SLC38A10: variants seen among roughly 807,000 people sequenced by gnomAD.
SLC38A10 encodes the protein Sodium-coupled neutral amino acid transporter 10.
A neutral mutation model predicts 81.0 loss-of-function variants in SLC38A10; 53 were observed. The ratio of observed to expected loss-of-function variants is 0.65; its 90% CI spans 0.53 to 0.82. SLC38A10 has a LOEUF of 0.82. Among genes scored for constraint, SLC38A10 ranks in the 40% least tolerant of loss-of-function variants. SLC38A10 has a pLI of 0.00. For missense variants in SLC38A10, 1,471 were observed against 1,545.0 expected, an observed-to-expected ratio of 0.95 and a Z score of 0.80; for synonymous variants, 665 against 655.3, an observed-to-expected ratio of 1.01 and a Z score of -0.23.
intron 11 of SLC38A10, among the ~76,000 whole-genome samples, chr17:81,259,551 C>G (rs1567931077): frequency 6.6e-6 from 1 of 152,182 alleles, no homozygotes; most frequent in Non-Finnish European, 1.5e-5. Flanking sequence ...CACTCCCTCT[C>G]TAGGCCTGGG....
Position 81,292,647 on chromosome 17 carries a change from G to A in SLC38A10, c.99+2176C>T, listed in dbSNP as rs1273680536. 2.6e-5 allele frequency among the ~76,000 whole-genome samples: 4 copies of A among 152,302 alleles called. No homozygotes were observed. In the East Asian group the frequency reaches 5.8e-4, roughly 22 times the overall value. ...GGCAGCCCTCAGGACTCAGAAGGAC[G>A]TCTCTAGTCCTTCACTTCCTGACAG... On this transcript the variant is annotated intron_variant, in intron 1 of 15. Coordinates refer to ENST00000374759, the MANE Select transcript of SLC38A10 (RefSeq NM_001037984.3).
intron 8 of SLC38A10, among the ~76,000 whole-genome samples, 183 bp downstream of exon 8, chr17:81,275,786 C>T (rs982151793): frequency 1.3e-5 from 2 of 151,774 alleles, no homozygotes; most frequent in Non-Finnish European, 2.9e-5. Flanking sequence ...AGACTCTGGC[C>T]ATTATCAGCT....
In SLC38A10 at chr17:81,283,375, T is replaced by A; in HGVS notation, c.357+34A>T. 6.3e-7 allele frequency: 1 copy of A among 1,595,916 alleles called. No homozygotes were observed. ...GAGGGCCTCAGAGCAGCCGTCAGCA[T>A]CTGAACAACCCAGAACCCTGAACAC... On this transcript the variant is annotated intron_variant, in intron 4 of 15. Coordinates refer to ENST00000374759, the MANE Select transcript of SLC38A10 (RefSeq NM_001037984.3). This position sits in a 1 kb window ranked among gnomAD's most constrained non-coding sequence, Gnocchi z 4.7.
Position 81,275,731 on chromosome 17 carries a change from C to CA in SLC38A10, c.912+237dup, listed in dbSNP as rs747992770. On this transcript the variant is annotated intron_variant, in intron 8 of 15. Coordinates refer to ENST00000374759, the MANE Select transcript of SLC38A10 (RefSeq NM_001037984.3). ...TGGGCGACAGAGCGAAACTCCGTCT[C>CA]AAAAAAAAAGAGAACTGTGCAGTGA... Among the ~76,000 whole-genome samples, 18 of 108,222 alleles carry CA rather than the reference C, an allele frequency of 1.7e-4. 1 individual carries two copies. The East Asian group carries it at 2.1e-3, about 13-fold the overall frequency. The allele number at this position is 108,222 out of a possible 152,430, so 71.0% of individuals were successfully genotyped here.
chr17:81,246,989 T>C lies in SLC38A10; in HGVS notation c.2138A>G (p.Lys713Arg), dbSNP rs772378431. 19 of 1,605,980 alleles carry C rather than the reference T, an allele frequency of 1.2e-5. No individual in the cohort carries two copies. Among genetic ancestry groups the C allele is most frequent in the Non-Finnish European group, 1.6e-5 (19 of 1,179,544 alleles). ...QVIKEQQVQQ[K>R]RLLDQQEKLL... ...CTTCTCCTGCTGGTCCAGCAAGCGC[T>C]TTTGCTGCACCTGCTGTTCTTTGAT... Residue 713 changes from lysine (K) to arginine (R), a missense_variant, in exon 15 of 16, where the codon AAG becomes AGG. Physicochemically the swap from Lys to Arg is conservative, Grantham distance 26 (BLOSUM62 2). Coordinates refer to ENST00000374759, the MANE Select transcript of SLC38A10 (RefSeq NM_001037984.3).
intron 11 of SLC38A10, among the ~76,000 whole-genome samples, chr17:81,255,048 G>C (rs2062959198): frequency 1.3e-5 from 2 of 152,408 alleles, no homozygotes; most frequent in South Asian, 4.1e-4. Context: ...GGGCTCCAGG[G>C]GGAGCTCTGT....
chr17:81,251,310 AAAGC>A, intron 14 of SLC38A10, 179 bp downstream of exon 14: 5 of 1,612,966 alleles, frequency 3.1e-6, no homozygotes, highest in Non-Finnish European at 4.2e-6. Flanking sequence ...AGGTTCCCAG[AAAGC>A]AAGCTGCTGA....
At chr17:81,267,341 A>C (rs1038944950) in intron 10 of SLC38A10, among the ~76,000 whole-genome samples, 2 of 152,220 alleles carry the variant, frequency 1.3e-5, no homozygotes, top group African/African-American at 2.4e-5. Flanking sequence ...TAAAGTACTA[A>C]AAAAATGAGG....
In SLC38A10 at chr17:81,276,998, A is replaced by C. The variant is rs1203295389; in HGVS notation, c.729+33T>G. The C allele has an allele frequency of 6.3e-7, 1 of 1,599,776 alleles. No homozygotes were observed. Among genetic ancestry groups the C allele is most frequent in the South Asian group, 1.1e-5 (1 of 90,732 alleles). Reference sequence around the variant, plus strand: ...CCACGGCACATCATGCTGGCATGACACAGGGGCGGAGAGGGCGTGGCAAGG... The same window carrying C: ...CCACGGCACATCATGCTGGCATGACCCAGGGGCGGAGAGGGCGTGGCAAGG... On this transcript the variant is annotated intron_variant, in intron 7 of 15. Coordinates refer to ENST00000374759, the MANE Select transcript of SLC38A10 (RefSeq NM_001037984.3). This position sits in a 1 kb window ranked among gnomAD's most constrained non-coding sequence, Gnocchi z 4.7.
At chr17:81,247,838 C>T (rs2062867516) in intron 14 of SLC38A10, among the ~76,000 whole-genome samples, 1 of 150,778 alleles carries the variant, frequency 6.6e-6, no homozygotes, top group South Asian at 2.1e-4. Context: ...AAGACCCTGT[C>T]TCAAAAAAGA....
chr17:81,292,626 G>A (rs2063320139), intron 1 of SLC38A10, among the ~76,000 whole-genome samples: 1 of 152,212 alleles, frequency 6.6e-6, no homozygotes, highest in African/African-American at 2.4e-5. Context: ...CCTCTGGGCA[G>A]CCCTCAGGAC....
chr17:81,265,707 G>T lies in SLC38A10; in HGVS notation c.1131+5211C>A, dbSNP rs1209264864. 6.6e-6 allele frequency among the ~76,000 whole-genome samples: 1 copy of T among 152,262 alleles called. No individual in the cohort carries two copies. Among genetic ancestry groups the T allele is most frequent in the African/African-American group, 2.4e-5 (1 of 41,470 alleles). ...CCGTGGGCGCAGCCGGAGCCCCTGG[G>T]ACAGTGGCCACGCCGAGATGTGGCG... is the stretch of plus-strand genomic sequence containing the variant. On this transcript the variant is annotated intron_variant, in intron 10 of 15. Coordinates refer to ENST00000374759, the MANE Select transcript of SLC38A10 (RefSeq NM_001037984.3). The surrounding 1 kb of genome is among the most constrained non-coding windows in gnomAD (Gnocchi z 4.2).
At chr17:81,273,060 C>T (rs1032092427) in intron 8 of SLC38A10, among the ~76,000 whole-genome samples, 1 of 152,170 alleles carries the variant, frequency 6.6e-6, no homozygotes, top group South Asian at 2.1e-4. Context: ...CAGAACCCCC[C>T]CAAACACACG....
chr17:81,245,344 A>C lies in SLC38A10; in HGVS notation c.*212T>G, dbSNP rs1240845720. The stretch of plus-strand genomic sequence containing the variant: ...TCTAGAGGTCAGAGGACCTCAGACT[A>C]AGAGCTGCAACAGAACGACAGCAAG... On this transcript the variant is annotated 3_prime_UTR_variant, in exon 16 of 16. Transcript: ENST00000374759. 8 of 595,822 alleles carry C rather than the reference A, an allele frequency of 1.3e-5. No individual in the cohort carries two copies. In the East Asian group the frequency reaches 2.6e-4, roughly 19 times the overall value. 36.9% of individuals were successfully genotyped at this position (595,822 alleles called of 1,614,324 possible).
At chr17:81,282,544 C>T (rs1458235700) in intron 4 of SLC38A10, among the ~76,000 whole-genome samples, 2 of 152,220 alleles carry the variant, frequency 1.3e-5, no homozygotes, top group African/African-American at 4.8e-5. Context: ...ATTTCCCCTC[C>T]CTGGAGCCCA....
intron 10 of SLC38A10, among the ~76,000 whole-genome samples, chr17:81,268,654 TAGA>T (rs2063090168): frequency 6.6e-6 from 1 of 152,070 alleles, no homozygotes; most frequent in Non-Finnish European, 1.5e-5. Flanking sequence ...GTATAATCAT[TAGA>T]AGAATAGAAA....
chr17:81,285,890 G>A (rs966614035), intron 2 of SLC38A10, among the ~76,000 whole-genome samples: 13 of 152,178 alleles, frequency 8.5e-5, no homozygotes, highest in Admixed American at 2.0e-4. Flanking sequence ...GAAGCACAGC[G>A]TTGCCAAACG....
Position 81,272,588 on chromosome 17 carries a change from G to C in SLC38A10, c.952C>G (p.Pro318Ala). The C allele has an allele frequency of 1.9e-6, 3 of 1,577,566 alleles. 1 individual carries two copies. The South Asian group carries it at 3.5e-5, about 18-fold the overall frequency. ...GTFAAGGYMP[P>A]LRFKALTLSV... Reference sequence around the variant, plus strand: ...AGGGTAAGTGCTTTAAACCGGAGAGGGGGCATGTAGCCCCCTGCTGCAAAG... The same window carrying C: ...AGGGTAAGTGCTTTAAACCGGAGAGCGGGCATGTAGCCCCCTGCTGCAAAG... Residue 318 changes from proline to alanine, a missense_variant, in exon 9 of 16, where the codon CCT becomes GCT. Pro to Ala is a conservative substitution (Grantham distance 27). Around this residue, in one of 2 missense-constraint regions of SLC38A10, gnomAD observed 720 missense variants for 827.7 expected, o/e 0.87. Coordinates refer to ENST00000374759, the MANE Select transcript of SLC38A10 (RefSeq NM_001037984.3).
At position 81,289,344 on chromosome 17, in the gene SLC38A10, TTTTTTTTTTAACTGCA is replaced by T. The variant is rs2063292187; in HGVS notation, c.217+331_217+346del. ...GGCACGAGCCACCACGCCCGGCAGG[TTTTTTTTTTAACTGCA>T]TTTTTTTTTAATTTGATTTTTAATT... On this transcript the variant is annotated intron_variant, in intron 2 of 15. Coordinates refer to ENST00000374759, the MANE Select transcript of SLC38A10 (RefSeq NM_001037984.3). The surrounding 1 kb of genome is among the most constrained non-coding windows in gnomAD (Gnocchi z 5.9). Among the ~76,000 whole-genome samples, 4 of 146,722 alleles carry T rather than the reference TTTTTTTTTTAACTGCA, an allele frequency of 2.7e-5. 1 individual carries two copies. In the South Asian group the frequency reaches 8.5e-4, roughly 31 times the overall value.
Sources: gnomAD v4.1 joint callset for allele counts (sites outside exome capture counted in the v4.1 genomes callset) on GRCh38, gnomAD v4.1.1 for gene constraint, gnomAD v4.1.1 regional missense constraint, Gnocchi (gnomAD v3.1) non-coding constraint, MANE v1.5 for transcripts, NCBI Gene and HGNC (gene_info 2026-07-23, HGNC 2026-07-21) for gene names.